Variants in ZNF804B observed in about 807,000 individuals in gnomAD.
The protein encoded by ZNF804B is zinc finger 804B.
ZNF804B carries 80 observed loss-of-function variants against 101.4 expected under a neutral mutation model. The ratio of observed to expected loss-of-function variants is 0.79; its 90% CI spans 0.66 to 0.95. The LOEUF is 0.95. Ranked by LOEUF, ZNF804B falls within the 40% of genes least tolerant of loss-of-function variation. ZNF804B has a pLI of 0.00. For missense variants in ZNF804B, 1,673 were observed against 1,561.9 expected (o/e 1.07, Z -1.20); for synonymous variants, 622 against 558.8 (o/e 1.11, Z -1.59).
chr7:89,053,286 A>C (rs1425747369), intron 1 of ZNF804B, among the ~76,000 whole-genome samples: 1 of 152,042 alleles, frequency 6.6e-6, no homozygotes, highest in Non-Finnish European at 1.5e-5. Context: ...ATAATTTCTA[A>C]TTTGACAGAC....
At chr7:88,845,291 G>GCACACACACACACACA (rs1554339266) in intron 1 of ZNF804B, among the ~76,000 whole-genome samples, 11 of 106,448 alleles carry the variant, frequency 1.0e-4, no homozygotes, top group African/African-American at 4.3e-4. Flanking sequence ...ACGCGCGCGC[G>GCACACACACACACACA]CACGCGCGCG....
intron 1 of ZNF804B, among the ~76,000 whole-genome samples, chr7:89,008,139 T>G (rs1404705025): frequency 6.6e-6 from 1 of 152,204 alleles, no homozygotes; most frequent in Non-Finnish European, 1.5e-5. Context: ...TACCACTTTG[T>G]TGAAATGATG....
At chr7:89,279,835 A>C (rs1208865) in intron 2 of ZNF804B, among the ~76,000 whole-genome samples, 114,110 of 151,640 alleles carry the variant, frequency 0.75, 44,188 homozygotes, top group African/African-American at 0.9. Context: ...TGTCTCTGCC[A>C]GGCTTTGGTA....
chr7:88,837,523 T>C lies in ZNF804B; in HGVS notation c.108+77439T>C, dbSNP rs117961297. ...GATCAATGGTAGAAAATTATGCAAA[T>C]GTGAAAGACCATTTAAAGAGTGGAA... On this transcript the variant is annotated intron_variant, in intron 1 of 3. Transcript: ENST00000333190. Among the ~76,000 whole-genome samples the C allele has an allele frequency of 4.6e-3, 705 of 151,988 alleles. 1 individual carries two copies. Among genetic ancestry groups the C allele is most frequent in the South Asian group, 8.3e-3 (40 of 4,826 alleles).
At position 89,334,479 on chromosome 7, in the gene ZNF804B, A is replaced by G. The variant is rs915746312; in HGVS notation, c.1497A>G (p.Thr499=). The part of the protein sequence containing the change: ...KEDHNLEDLK[T]ELGKKPLELK... ...ACCACAATCTAGAGGACTTAAAAACAGAATTGGGTAAGAAGCCCTTGGAAT... is the reference window on the plus strand; with the variant it reads ...ACCACAATCTAGAGGACTTAAAAACGGAATTGGGTAAGAAGCCCTTGGAAT... Residue 499 remains threonine, a synonymous_variant, in exon 4 of 4, where the codon ACA becomes ACG. Coordinates refer to ENST00000333190, the MANE Select transcript of ZNF804B (RefSeq NM_181646.5). 2 of 1,613,818 alleles carry G rather than the reference A, an allele frequency of 1.2e-6. No homozygotes were observed. Among genetic ancestry groups the G allele is most frequent in the Non-Finnish European group, 1.7e-6 (2 of 1,179,858 alleles).
intron 1 of ZNF804B, among the ~76,000 whole-genome samples, chr7:89,202,797 G>T (rs889254933): frequency 1.3e-5 from 2 of 152,058 alleles, no homozygotes; most frequent in East Asian, 1.9e-4. Flanking sequence ...ACAAGCCAAA[G>T]AACTTTTCCT....
intron 1 of ZNF804B, among the ~76,000 whole-genome samples, chr7:88,787,376 C>A (rs907921085): frequency 2.0e-5 from 3 of 151,906 alleles, no homozygotes; most frequent in Non-Finnish European, 4.4e-5. Flanking sequence ...ACCTGTTAAC[C>A]AAATAGTGAA....
intron 1 of ZNF804B, among the ~76,000 whole-genome samples, chr7:88,951,003 G>A (rs1486299996): frequency 1.3e-5 from 2 of 151,742 alleles, no homozygotes; most frequent in Non-Finnish European, 2.9e-5. Context: ...AAGCAATTAG[G>A]ACAGAGTTGT....
chr7:88,840,625 A>G (rs1583969200), intron 1 of ZNF804B, among the ~76,000 whole-genome samples: 1 of 152,188 alleles, frequency 6.6e-6, no homozygotes, highest in East Asian at 1.9e-4. Flanking sequence ...TAACCATTAA[A>G]CCATTTTCTA....
At chr7:88,956,197 A>G (rs75280459) in intron 1 of ZNF804B, among the ~76,000 whole-genome samples, 2 of 151,536 alleles carry the variant, frequency 1.3e-5, no homozygotes, top group Admixed American at 1.3e-4. Flanking sequence ...AAAACTAAAA[A>G]TGGAACTACC....
At chr7:88,902,644 A>G (rs1294703164) in intron 1 of ZNF804B, among the ~76,000 whole-genome samples, 1 of 152,058 alleles carries the variant, frequency 6.6e-6, no homozygotes, top group Non-Finnish European at 1.5e-5. Flanking sequence ...TTTAAAATAT[A>G]TGTTTATAAG....
intron 1 of ZNF804B, among the ~76,000 whole-genome samples, chr7:88,935,098 A>G (rs1207943601): frequency 2.0e-5 from 3 of 151,778 alleles, no homozygotes; most frequent in East Asian, 1.9e-4. Context: ...CTATTCAGCC[A>G]TAAAAAGGAA....
intron 1 of ZNF804B, among the ~76,000 whole-genome samples, chr7:89,147,003 T>A (rs1048624799): frequency 6.6e-6 from 1 of 151,368 alleles, no homozygotes; most frequent in Non-Finnish European, 1.5e-5. Flanking sequence ...CACCATAGTC[T>A]GTTGCAGTGA....
chr7:88,877,494 G>A (rs1299035939), intron 1 of ZNF804B, among the ~76,000 whole-genome samples: 1 of 151,974 alleles, frequency 6.6e-6, no homozygotes, highest in Non-Finnish European at 1.5e-5. Flanking sequence ...TTATTTTAGG[G>A]GTTAAATGGA....
rs141625279 is a variant in ZNF804B at position 89,254,958 on chromosome 7, G to T, written c.249+36663G>T. ...ACCACGCTCAGCCAGGACTGTTAAA[G>T]AAGAAAAATAAAGAGGGGACTTTTT... is the stretch of plus-strand genomic sequence containing the variant. On this transcript the variant is annotated intron_variant, in intron 2 of 3. Coordinates refer to ENST00000333190, the MANE Select transcript of ZNF804B (RefSeq NM_181646.5). 3.8e-3 allele frequency among the ~76,000 whole-genome samples: 575 copies of T among 152,188 alleles called. 3 individuals carry two copies. Among genetic ancestry groups the T allele is most frequent in the African/African-American group, 0.013 (552 of 41,566 alleles).
chr7:88,861,769 T>C (rs1791650308), intron 1 of ZNF804B, among the ~76,000 whole-genome samples: 1 of 152,190 alleles, frequency 6.6e-6, no homozygotes. Flanking sequence ...ATCTTATTCT[T>C]ACAGGAATCT....
At chr7:89,000,527 G>C (rs1788268155) in intron 1 of ZNF804B, among the ~76,000 whole-genome samples, 1 of 151,872 alleles carries the variant, frequency 6.6e-6, no homozygotes, top group Non-Finnish European at 1.5e-5. Context: ...TATATTTCGT[G>C]AATTAATCAA....
chr7:89,255,611 A>G (rs1789617664), intron 2 of ZNF804B, among the ~76,000 whole-genome samples: 1 of 152,208 alleles, frequency 6.6e-6, no homozygotes, highest in African/African-American at 2.4e-5. Context: ...ACACAAATAA[A>G]TATCATGTAG....
At chr7:88,973,644 C>T (rs1793569593) in intron 1 of ZNF804B, among the ~76,000 whole-genome samples, 1 of 151,026 alleles carries the variant, frequency 6.6e-6, no homozygotes, top group African/African-American at 2.4e-5. Context: ...TATTTTTGTA[C>T]ACACTTTTAT....
Sources: allele counts gnomAD v4.1 joint callset (sites outside exome capture counted in the v4.1 genomes callset), GRCh38; gene constraint gnomAD v4.1.1; transcripts MANE v1.5; gene names NCBI Gene and HGNC (gene_info 2026-07-23, HGNC 2026-07-21).